The following UNC79 variants were observed in gnomAD, a reference collection of about 807,000 sequenced individuals.
UNC79 encodes the protein protein unc-79 homolog.
Under a neutral mutation model 283.1 loss-of-function variants are expected in UNC79, and 37 were observed. The ratio of observed to expected loss-of-function variants is 0.13; its 90% CI spans 0.10 to 0.17. The LOEUF (loss-of-function observed/expected upper bound fraction) is 0.17. Among genes scored for constraint, UNC79 ranks in the 10% least tolerant of loss-of-function variants. The pLI, the probability that UNC79 is intolerant of heterozygous loss-of-function variation, is 1.00. For synonymous variants in UNC79, 1,107 were observed against 1,200.2 expected (o/e 0.92, Z 1.61); for missense variants, 2,272 against 3,211.1 (o/e 0.71, Z 7.07).
intron 41 of UNC79, among the ~76,000 whole-genome samples, chr14:93,677,577 A>G (rs955217067): frequency 3.3e-5 from 5 of 152,170 alleles, no homozygotes; most frequent in Non-Finnish European, 7.4e-5. Context: ...TTACAATTCA[A>G]GGTGAGATTT....
Position 93,357,896 on chromosome 14 carries a change from G to T in UNC79, c.-351+24373G>T, listed in dbSNP as rs146653467. On this transcript the variant is annotated intron_variant, in intron 1 of 49. Coordinates refer to the UNC79 transcript ENST00000256339. ...ATGGATATATATATGGATATATGGA[G>T]ATATATATCTATATATATCCATATA... Among the ~76,000 whole-genome samples the T allele has an allele frequency of 9.9e-3, 270 of 27,392 alleles. 3 individuals carry two copies. The highest frequency in any genetic ancestry group is 0.015 in the Non-Finnish European group (188 of 12,574). 18.0% of individuals were successfully genotyped at this position (27,392 alleles called of 152,430 possible).
At chr14:93,526,581 A>G (rs530644856) in intron 8 of UNC79, among the ~76,000 whole-genome samples, 2 of 152,160 alleles carry the variant, frequency 1.3e-5, no homozygotes, top group East Asian at 3.9e-4. Flanking sequence ...CATTGGGCAT[A>G]TGTCATATTT....
chr14:93,576,672 A>G (rs2063494042), intron 17 of UNC79, among the ~76,000 whole-genome samples: 1 of 152,230 alleles, frequency 6.6e-6, no homozygotes, highest in South Asian at 2.1e-4. Flanking sequence ...CTGAAGGAAC[A>G]AGGGAAAGAG....
intron 1 of UNC79, chr14:93,397,169 TTA>T (rs2055016002): frequency 6.6e-6 from 1 of 152,190 alleles, no homozygotes; most frequent in East Asian, 1.9e-4. Context: ...CAGCAGGTGG[TTA>T]TATACCAACT....
chr14:93,550,071 A>T (rs1008250683), intron 14 of UNC79, among the ~76,000 whole-genome samples: 1 of 152,262 alleles, frequency 6.6e-6, no homozygotes, highest in Non-Finnish European at 1.5e-5. Context: ...AAACGGGGTC[A>T]GTGCTCTGCA....
chr14:93,374,011 C>T (rs2054507064), intron 1 of UNC79, among the ~76,000 whole-genome samples: 1 of 152,086 alleles, frequency 6.6e-6, no homozygotes, highest in South Asian at 2.1e-4. Context: ...TGGCAACCTC[C>T]ACCCAGATTT....
rs549184073 is a variant in UNC79 at position 93,598,918 on chromosome 14, G to C, written c.3372+1378G>C. On this transcript the variant is annotated intron_variant, in intron 24 of 48. Coordinates refer to ENST00000555664, the Ensembl canonical transcript of UNC79. ...TTAAAGCCAAAGAGACAAGAAATAT[G>C]AGACCTGGAGAGAGTGGTATATTTA... Among the ~76,000 whole-genome samples the C allele has an allele frequency of 2.6e-5, 4 of 152,304 alleles. No individual in the cohort carries two copies. The South Asian group carries it at 8.3e-4, about 32-fold the overall frequency.
chr14:93,342,899 C>A (rs2053743248), intron 1 of UNC79, among the ~76,000 whole-genome samples: 3 of 152,212 alleles, frequency 2.0e-5, no homozygotes, highest in Admixed American at 2.0e-4. Context: ...TGTTTTAGTT[C>A]TCAATAAGTT....
chr14:93,406,561 C>T (rs574927548), intron 1 of UNC79, among the ~76,000 whole-genome samples: 4 of 152,264 alleles, frequency 2.6e-5, no homozygotes, highest in Non-Finnish European at 4.4e-5. Context: ...GCACTCCAGC[C>T]TGGCCAACAA....
intron 1 of UNC79, among the ~76,000 whole-genome samples, chr14:93,385,983 G>T (rs994321511): frequency 6.6e-6 from 1 of 151,922 alleles, no homozygotes; most frequent in Non-Finnish European, 1.5e-5. Context: ...TTGTCTGATT[G>T]CTCTAACTAT....
intron 1 of UNC79, among the ~76,000 whole-genome samples, chr14:93,370,558 G>A (rs1156381029): frequency 3.3e-5 from 5 of 152,186 alleles, no homozygotes; most frequent in Non-Finnish European, 7.3e-5. Flanking sequence ...AGATCACGAG[G>A]TCAGGAGATC....
At chr14:93,492,099 A>G (rs2058755679) in intron 5 of UNC79, among the ~76,000 whole-genome samples, 1 of 152,204 alleles carries the variant, frequency 6.6e-6, no homozygotes, top group South Asian at 2.1e-4. Context: ...TTCTATATAC[A>G]GGGCTTTGTG....
chr14:93,579,840 A>G (rs77997351), intron 18 of UNC79, among the ~76,000 whole-genome samples: 2,712 of 152,338 alleles, frequency 0.018, 79 homozygotes, highest in African/African-American at 0.062. Context: ...CATTTTTTAA[A>G]TGTGTAAAAT....
At chr14:93,396,767 A>ATGTGTGTGAATGTGTG in intron 1 of UNC79, among the ~76,000 whole-genome samples, 1 of 76,418 alleles carries the variant, frequency 1.3e-5, no homozygotes, top group East Asian at 2.5e-4. Flanking sequence ...TGCAAAGGGC[A>ATGTGTGTGAATGTGTG]TGTGTGTGTA....
At chr14:93,629,138 G>T (rs953820410) in intron 30 of UNC79, among the ~76,000 whole-genome samples, 1 of 152,144 alleles carries the variant, frequency 6.6e-6, no homozygotes, top group Admixed American at 6.5e-5. Context: ...GGCAGAGGTT[G>T]CACTGAGCTG....
At chr14:93,616,127 A>C (rs993008048) in intron 27 of UNC79, among the ~76,000 whole-genome samples, 2 of 152,112 alleles carry the variant, frequency 1.3e-5, no homozygotes, top group Admixed American at 6.5e-5. Flanking sequence ...CATGTAAATA[A>C]ATTTGTATCA....
intron 37 of UNC79, 57 bp from the exon 41 acceptor site, chr14:93,655,177 C>A: frequency 6.3e-7 from 1 of 1,576,942 alleles, no homozygotes; most frequent in Non-Finnish European, 8.6e-7. Flanking sequence ...TACCAAATAG[C>A]GCTATGCATT....
exon 30 of UNC79, chr14:93,622,212 C>T: frequency 6.2e-7 from 1 of 1,614,154 alleles, no homozygotes. Flanking sequence ...GACGGCCCCT[C>T]CGGTAAAAAT....
At chr14:93,425,444 G>T (rs2055705209), upstream of UNC79, among the ~76,000 whole-genome samples, 1 of 152,228 alleles carries the variant, frequency 6.6e-6, no homozygotes, top group Non-Finnish European at 1.5e-5. Context: ...TAAATTTGAA[G>T]AACAAGCACT....
Sources: gnomAD v4.1 joint callset for allele counts (sites outside exome capture counted in the v4.1 genomes callset) on GRCh38, gnomAD v4.1.1 for gene constraint, MANE v1.5 for transcripts, NCBI Gene and HGNC (gene_info 2026-07-23, HGNC 2026-07-21) for gene names.